Variants in CRPPA observed in about 807,000 individuals in gnomAD.
CRPPA encodes the protein CDP-L-ribitol pyrophosphorylase A.
Under a neutral mutation model 52.0 loss-of-function variants are expected in CRPPA, and 43 were observed. The ratio of observed to expected loss-of-function variants is 0.83; its 90% CI spans 0.65 to 1.07. CRPPA has a LOEUF of 1.07. Ranked by LOEUF, CRPPA falls within the 50% of genes least tolerant of loss-of-function variation. The pLI is 0.00. For synonymous variants in CRPPA, 250 were observed against 203.5 expected, an observed-to-expected ratio of 1.23 and a Z score of -1.94; for missense variants, 629 against 551.7, an observed-to-expected ratio of 1.14 and a Z score of -1.40.
intron 3 of CRPPA, among the ~76,000 whole-genome samples, chr7:16,356,958 A>G (rs147320030): frequency 6.6e-6 from 1 of 152,266 alleles, no homozygotes; most frequent in East Asian, 1.9e-4. Context: ...CTGGGATATC[A>G]ATGAAAAGCC....
chr7:16,223,296 C>T (rs1782569606), intron 8 of CRPPA, among the ~76,000 whole-genome samples: 1 of 152,174 alleles, frequency 6.6e-6, no homozygotes, highest in Non-Finnish European at 1.5e-5. Context: ...ATGCCATCTA[C>T]AAACTGACTT....
chr7:16,290,753 A>G (rs1392512240), intron 5 of CRPPA, among the ~76,000 whole-genome samples: 5 of 152,056 alleles, frequency 3.3e-5, no homozygotes, highest in African/African-American at 1.2e-4. Context: ...TATGGCTAAG[A>G]CTCCAAAAGC....
chr7:16,109,559 C>T (rs1782220149), intron 9 of CRPPA, among the ~76,000 whole-genome samples: 1 of 151,870 alleles, frequency 6.6e-6, no homozygotes, highest in South Asian at 2.1e-4. Flanking sequence ...CAATATCTTT[C>T]AGGAACATAG....
chr7:16,099,342 C>A (rs1267365058), intron 9 of CRPPA, among the ~76,000 whole-genome samples: 7 of 127,100 alleles, frequency 5.5e-5, no homozygotes, highest in Non-Finnish European at 1.1e-4. Context: ...AGGGAAGGGA[C>A]AGGAAGGGGA....
At chr7:16,213,431 A>G (rs1223132101) in intron 9 of CRPPA, among the ~76,000 whole-genome samples, 6 of 152,118 alleles carry the variant, frequency 3.9e-5, no homozygotes, top group Admixed American at 2.6e-4. Context: ...ATTCTCAACA[A>G]TCTTTTACAA....
At chr7:16,276,602 G>A (rs186980865) in intron 6 of CRPPA, 2 of 152,244 alleles carry the variant, frequency 1.3e-5, no homozygotes, top group East Asian at 1.9e-4. Context: ...TATTCACATC[G>A]AAGAACTTGG....
At chr7:16,302,369 A>G (rs1455027149) in intron 4 of CRPPA, among the ~76,000 whole-genome samples, 1 of 151,334 alleles carries the variant, frequency 6.6e-6, no homozygotes, top group East Asian at 1.9e-4. Flanking sequence ...GTAACCTGCC[A>G]ACATGGCATG....
chr7:16,236,634 C>T (rs1432732992), intron 8 of CRPPA, among the ~76,000 whole-genome samples: 1 of 152,096 alleles, frequency 6.6e-6, no homozygotes, highest in Non-Finnish European at 1.5e-5. Flanking sequence ...GGCTACAGAT[C>T]TTAATCCTAA....
At chr7:16,344,427 T>C (rs1306822311) in intron 3 of CRPPA, among the ~76,000 whole-genome samples, 1 of 72,750 alleles carries the variant, frequency 1.4e-5, no homozygotes, top group African/African-American at 4.4e-5. Context: ...AAAAAAAAAA[T>C]TAGCTATGTA....
chr7:16,381,092 AT>A (rs1358828356), intron 2 of CRPPA, among the ~76,000 whole-genome samples: 10 of 151,402 alleles, frequency 6.6e-5, no homozygotes, highest in African/African-American at 2.4e-4. Context: ...TAGGGTGTCA[AT>A]TTTGGATCTT....
At chr7:16,361,821 A>C (rs1156963833) in intron 3 of CRPPA, among the ~76,000 whole-genome samples, 5 of 151,980 alleles carry the variant, frequency 3.3e-5, no homozygotes, top group Admixed American at 6.6e-5. Flanking sequence ...TAAAATCGTA[A>C]ATTTAGTTAT....
At chr7:16,389,366 T>C (rs1562673276) in intron 2 of CRPPA, among the ~76,000 whole-genome samples, 1 of 152,028 alleles carries the variant, frequency 6.6e-6, no homozygotes, top group Non-Finnish European at 1.5e-5. Flanking sequence ...ACAAGATACC[T>C]ACAAACCCAA....
chr7:16,360,285 A>G (rs1474681735), intron 3 of CRPPA, among the ~76,000 whole-genome samples: 2 of 152,216 alleles, frequency 1.3e-5, no homozygotes, highest in Non-Finnish European at 2.9e-5. Flanking sequence ...ATCAATTCTC[A>G]TAGTAACATT....
At chr7:16,097,150 A>G (rs73071811) in intron 9 of CRPPA, among the ~76,000 whole-genome samples, 6,723 of 152,200 alleles carry the variant, frequency 0.044, 196 homozygotes, top group Middle Eastern at 0.068. Context: ...TTGAAAATTC[A>G]AGGCTTCAGT....
At chr7:16,144,618 G>A (rs567201910) in intron 9 of CRPPA, among the ~76,000 whole-genome samples, 22 of 152,282 alleles carry the variant, frequency 1.4e-4, no homozygotes, top group African/African-American at 4.6e-4. Flanking sequence ...TCCTAAAACC[G>A]ACCTTTGATC....
chr7:16,089,600 T>C lies in CRPPA; in HGVS notation c.*2095A>G, dbSNP rs564269616. The C allele has an allele frequency of 4.0e-5, 9 of 227,404 alleles. No individual in the cohort carries two copies. Among genetic ancestry groups the C allele is most frequent in the South Asian group, 3.5e-4 (7 of 19,752 alleles). The allele number at this position is 227,404 out of a possible 1,614,324, so 14.1% of individuals were successfully genotyped here. A position where few individuals can be genotyped will look rare whatever the true frequency, so the allele number is the denominator to read the frequency against. ...GGGTATACATGCATGTATATACATATATATGGGTATACATACATGTATATG... is the reference window on the plus strand; with the variant it reads ...GGGTATACATGCATGTATATACATACATATGGGTATACATACATGTATATG... On this transcript the variant is annotated 3_prime_UTR_variant, in exon 10 of 10. Coordinates refer to ENST00000407010, the MANE Select transcript of CRPPA (RefSeq NM_001101426.4).
chr7:16,406,513 T>A (rs1787958658), intron 1 of CRPPA, among the ~76,000 whole-genome samples, 176 bp from the exon 2 acceptor site: 1 of 152,176 alleles, frequency 6.6e-6, no homozygotes, highest in African/African-American at 2.4e-5. Context: ...TGAAAAAGAA[T>A]CAGTGAGCAT....
At chr7:16,302,295 CAAAAAAAAAAAAAAA>C (rs34666735) in intron 4 of CRPPA, among the ~76,000 whole-genome samples, 1 of 53,374 alleles carries the variant, frequency 1.9e-5, no homozygotes, top group Admixed American at 2.9e-4. Context: ...GACTCTGTCT[CAAAAAAAAAAAAAAA>C]AAAAAAAAAA....
At chr7:16,360,690 T>C (rs1483575557) in intron 3 of CRPPA, among the ~76,000 whole-genome samples, 1 of 152,184 alleles carries the variant, frequency 6.6e-6, no homozygotes. Flanking sequence ...TGAATGAATT[T>C]GAACTCTTAC....
Sources: allele counts gnomAD v4.1 joint callset (sites outside exome capture counted in the v4.1 genomes callset), GRCh38; gene constraint gnomAD v4.1.1; transcripts MANE v1.5; gene names NCBI Gene and HGNC (gene_info 2026-07-23, HGNC 2026-07-21).